FBN1: variants seen among roughly 807,000 people sequenced by gnomAD.
FBN1 encodes the protein fibrillin-1.
FBN1 carries 29 observed loss-of-function variants against 365.1 expected under a neutral mutation model. The ratio of observed to expected loss-of-function variants is 0.08; its 90% CI spans 0.06 to 0.11. FBN1 has a LOEUF of 0.11. FBN1 is among the 10% of genes least tolerant of loss of function. The pLI, the probability that FBN1 is intolerant of heterozygous loss-of-function variation, is 1.00. For synonymous variants in FBN1, 1,210 were observed against 1,270.5 expected (o/e 0.95, Z 1.01); for missense variants, 2,476 against 3,703.2 (o/e 0.67, Z 8.60).
At chr15:48,612,554 T>C (rs990253764) in intron 3 of FBN1, among the ~76,000 whole-genome samples, 1 of 152,210 alleles carries the variant, frequency 6.6e-6, no homozygotes, top group Admixed American at 6.5e-5. Flanking sequence ...TCTTTCTTAG[T>C]CTTTCCACTG....
rs2141269791 is a variant in FBN1 at position 48,465,696 on chromosome 15, A to G, written c.4817-3T>C. 6.2e-7 allele frequency: 1 copy of G among 1,613,930 alleles called. No homozygotes were observed. Among genetic ancestry groups the G allele is most frequent in the Non-Finnish European group, 8.5e-7 (1 of 1,179,940 alleles). On this transcript the variant is annotated splice_region_variant and splice_polypyrimidine_tract_variant and intron_variant, in intron 39 of 65. Transcript: ENST00000316623. Reference sequence around the variant, plus strand: ...TAGCTCCTGGCACTCATCAATATCTATCAAAATCAAAACAAAGGCATTCCT... The same window carrying G: ...TAGCTCCTGGCACTCATCAATATCTGTCAAAATCAAAACAAAGGCATTCCT...
At chr15:48,584,667 T>TAGAA (rs2044422141) in intron 6 of FBN1, among the ~76,000 whole-genome samples, 1 of 152,122 alleles carries the variant, frequency 6.6e-6, no homozygotes, top group Non-Finnish European at 1.5e-5. Flanking sequence ...GAGAACACTG[T>TAGAA]AGAAAGAAAT....
intron 4 of FBN1, among the ~76,000 whole-genome samples, chr15:48,607,367 C>CATATAT (rs10587361): frequency 1.3e-3 from 190 of 146,274 alleles, no homozygotes; most frequent in Middle Eastern, 7.1e-3. Context: ...CATACATATA[C>CATATAT]ATATATATAT....
chr15:48,547,737 A>T (rs1037830223), intron 6 of FBN1, among the ~76,000 whole-genome samples: 4 of 141,544 alleles, frequency 2.8e-5, no homozygotes, highest in Non-Finnish European at 4.5e-5. Context: ...ACACACACAC[A>T]CACACACACA....
intron 40 of FBN1, among the ~76,000 whole-genome samples, chr15:48,465,135 G>A (rs939470962): frequency 3.3e-5 from 5 of 152,120 alleles, no homozygotes; most frequent in Admixed American, 3.3e-4. Context: ...AAAGCCAAAG[G>A]GCCGCCTTCT....
rs570388315 is a variant in FBN1, at chr15:48,504,401, G to C, written c.1961-462C>G. The stretch of plus-strand genomic sequence containing the variant: ...AATTAGGTATACTTTCCAAAAAGGA[G>C]AAAGTTTAATCTGTAAAAGGTTCGT... On this transcript the variant is annotated intron_variant, in intron 16 of 65. Transcript: ENST00000316623. Among the ~76,000 whole-genome samples the C allele has an allele frequency of 2.0e-5, 3 of 152,320 alleles. No homozygotes were observed. In the South Asian group the frequency reaches 6.2e-4, roughly 32 times the overall value.
At chr15:48,497,498 G>A in intron 18 of FBN1, 107 bp from the exon 19 acceptor site, 3 of 1,120,204 alleles carry the variant, frequency 2.7e-6, no homozygotes, top group South Asian at 2.7e-5. Flanking sequence ...GGAGCTACAG[G>A]AGGAAAAAAA....
chr15:48,577,836 C>A (rs150502522), intron 6 of FBN1, among the ~76,000 whole-genome samples: 3 of 152,078 alleles, frequency 2.0e-5, no homozygotes, highest in African/African-American at 4.8e-5. Context: ...TTTTGCAACG[C>A]CTTCCTACAA....
chr15:48,561,876 G>A (rs2044224470), intron 6 of FBN1, among the ~76,000 whole-genome samples: 1 of 151,894 alleles, frequency 6.6e-6, no homozygotes, highest in Non-Finnish European at 1.5e-5. Context: ...TTAGCACATA[G>A]CTTTCCCTGG....
intron 13 of FBN1, 28 bp from the exon 14 acceptor site, chr15:48,510,197 T>A: frequency 6.2e-7 from 1 of 1,609,206 alleles, no homozygotes; most frequent in Non-Finnish European, 8.5e-7. Flanking sequence ...AAAGAAGAAA[T>A]AGCTTTATTT....
At chr15:48,600,470 A>C (rs1194124584) in intron 4 of FBN1, among the ~76,000 whole-genome samples, 1 of 152,168 alleles carries the variant, frequency 6.6e-6, no homozygotes, top group African/African-American at 2.4e-5. Flanking sequence ...TTGGGAGGCC[A>C]AGGTAGGCGG....
intron 9 of FBN1, among the ~76,000 whole-genome samples, chr15:48,522,013 G>A (rs2043861377): frequency 2.0e-5 from 3 of 152,150 alleles, no homozygotes; most frequent in Non-Finnish European, 4.4e-5. Context: ...CCTGAGCCCT[G>A]CCTCTGTCAG....
intron 4 of FBN1, 126 bp downstream of exon 4, chr15:48,610,602 C>G (rs1234787460): frequency 1.6e-5 from 12 of 742,616 alleles, no homozygotes; most frequent in Non-Finnish European, 2.6e-5. Flanking sequence ...TTGGGCAGAA[C>G]AGAGAAGGCA....
At position 48,508,672 on chromosome 15, in the gene FBN1, G is replaced by A. The variant is rs767293952; in HGVS notation, c.1747C>T (p.Leu583Phe). Residue 583 changes from leucine to phenylalanine, a missense_variant, in exon 15 of 66, where the codon CTT (leucine) becomes TTT (phenylalanine). This residue lies in a region of FBN1 where 1,780 missense variants were observed against 2,840.8 expected (regional missense o/e 0.63). Coordinates refer to ENST00000316623, the MANE Select transcript of FBN1 (RefSeq NM_000138.5). ...TCTTCATTGATACACATTCCATTAA[G>A]GCACATGTTCCTTATGCTGCATTCA... ...MDECSIRNMCLNGMCINEDGS... is the reference protein window; with the variant it reads ...MDECSIRNMCFNGMCINEDGS... The A allele has an allele frequency of 8.7e-6, 14 of 1,613,614 alleles. No individual in the cohort carries two copies. Among genetic ancestry groups the A allele is most frequent in the African/African-American group, 1.3e-5 (1 of 74,886 alleles).
At chr15:48,414,077 C>T (rs2042883878) in intron 64 of FBN1, among the ~76,000 whole-genome samples, 1 of 152,142 alleles carries the variant, frequency 6.6e-6, no homozygotes, top group Non-Finnish European at 1.5e-5. Context: ...TCTCAGAACT[C>T]CTTTCCAGTA....
chr15:48,526,935 A>C (rs570481867), intron 8 of FBN1, among the ~76,000 whole-genome samples: 2 of 152,300 alleles, frequency 1.3e-5, no homozygotes, highest in South Asian at 2.1e-4. Context: ...AGTCGCAGAG[A>C]GCCACCTCGC....
rs774344373 is a variant in FBN1 at position 48,409,380 on chromosome 15, A to C, written c.*1610T>G. The C allele has an allele frequency of 6.6e-6, 1 of 152,166 alleles. No homozygotes were observed. The highest frequency in any genetic ancestry group is 1.5e-5 in the Non-Finnish European group (1 of 68,032). The allele number at this position is 152,166 out of a possible 1,614,324, so 9.4% of individuals were successfully genotyped here. A position where few individuals can be genotyped will look rare whatever the true frequency, so the allele number is the denominator to read the frequency against. ...GCTGAGCTCTTCAAAGATTTTTGAGAGCACTTTCCTGTGTCCTACCTAGTT... is the reference window on the plus strand; with the variant it reads ...GCTGAGCTCTTCAAAGATTTTTGAGCGCACTTTCCTGTGTCCTACCTAGTT... On this transcript the variant is annotated 3_prime_UTR_variant, in exon 66 of 66. Transcript: ENST00000316623.
At chr15:48,509,324 T>C (rs957910800) in intron 14 of FBN1, among the ~76,000 whole-genome samples, 5 of 151,552 alleles carry the variant, frequency 3.3e-5, no homozygotes, top group Non-Finnish European at 7.4e-5. Flanking sequence ...GTTATTTTAT[T>C]TGATATTAAA....
intron 6 of FBN1, among the ~76,000 whole-genome samples, chr15:48,546,408 G>A (rs1042236796): frequency 3.9e-5 from 6 of 152,220 alleles, no homozygotes; most frequent in Non-Finnish European, 8.8e-5. Context: ...CCTAAAGGAT[G>A]AGCACAAGCC....
Sources: gnomAD v4.1 joint callset for allele counts (sites outside exome capture counted in the v4.1 genomes callset) on GRCh38, gnomAD v4.1.1 for gene constraint, gnomAD v4.1.1 regional missense constraint, MANE v1.5 for transcripts, NCBI Gene and HGNC (gene_info 2026-07-23, HGNC 2026-07-21) for gene names.